ANGPT1: variants seen among roughly 807,000 people sequenced by gnomAD.
The protein encoded by ANGPT1 is angiopoietin-1.
A neutral mutation model predicts 62.2 loss-of-function variants in ANGPT1; 17 were observed. That is an observed-to-expected ratio of 0.27 (90% CI 0.19 to 0.41). The LOEUF (loss-of-function observed/expected upper bound fraction) is 0.41. Ranked by LOEUF, ANGPT1 falls within the 10% of genes least tolerant of loss-of-function variation. The pLI is 1.00. For missense variants in ANGPT1, 478 were observed against 594.9 expected, an observed-to-expected ratio of 0.80 and a Z score of 2.04; for synonymous variants, 199 against 198.9, an observed-to-expected ratio of 1.00 and a Z score of 0.00.
At chr8:107,441,224 C>T (rs1368494) in intron 1 of ANGPT1, among the ~76,000 whole-genome samples, 30,342 of 152,104 alleles carry the variant, frequency 0.2, 3,217 homozygotes, top group Non-Finnish European at 0.24. Flanking sequence ...CAAGCAAGTG[C>T]TGTCTATCTA....
chr8:107,263,845 T>C (rs1301107909), intron 8 of ANGPT1, among the ~76,000 whole-genome samples: 1 of 152,206 alleles, frequency 6.6e-6, no homozygotes, highest in African/African-American at 2.4e-5. Context: ...ATTAACTTAC[T>C]ACATAATTGC....
chr8:107,459,597 T>C (rs1812013043), intron 1 of ANGPT1, among the ~76,000 whole-genome samples: 1 of 152,190 alleles, frequency 6.6e-6, no homozygotes, highest in Non-Finnish European at 1.5e-5. Flanking sequence ...CTATATGCCC[T>C]ACTAGCAATG....
At chr8:107,290,444 A>G (rs1814246299) in intron 6 of ANGPT1, among the ~76,000 whole-genome samples, 1 of 152,192 alleles carries the variant, frequency 6.6e-6, no homozygotes, top group African/African-American at 2.4e-5. Flanking sequence ...AGAAGTGAGC[A>G]GGCAGTTCTT....
chr8:107,347,639 TGAG>T (rs1169333784), intron 1 of ANGPT1, among the ~76,000 whole-genome samples: 3 of 152,142 alleles, frequency 2.0e-5, no homozygotes, highest in Non-Finnish European at 4.4e-5. Flanking sequence ...GGAAATGGGA[TGAG>T]GAGTGGGAGG....
chr8:107,259,444 C>T (rs769038066), intron 8 of ANGPT1, among the ~76,000 whole-genome samples: 15 of 152,040 alleles, frequency 9.9e-5, no homozygotes, highest in Non-Finnish European at 2.1e-4. Flanking sequence ...GGCTTTATCC[C>T]CTATTTAAGG....
intron 1 of ANGPT1, among the ~76,000 whole-genome samples, chr8:107,489,413 C>A (rs1330773746): frequency 1.3e-5 from 2 of 152,044 alleles, no homozygotes; most frequent in African/African-American, 4.8e-5. Flanking sequence ...AAACAAGTAA[C>A]AACAGTTATC....
intron 1 of ANGPT1, among the ~76,000 whole-genome samples, chr8:107,386,843 T>C (rs1314701214): frequency 6.6e-6 from 1 of 152,110 alleles, no homozygotes. Context: ...TGCCTTTCTC[T>C]GACAGACTAC....
At chr8:107,479,360 T>C (rs1024135063) in intron 1 of ANGPT1, among the ~76,000 whole-genome samples, 5 of 152,192 alleles carry the variant, frequency 3.3e-5, no homozygotes, top group Non-Finnish European at 4.4e-5. Context: ...GTTCTTTGTA[T>C]TTACTGTTAT....
At chr8:107,330,213 T>G (rs768281821) in intron 3 of ANGPT1, among the ~76,000 whole-genome samples, 13 of 152,214 alleles carry the variant, frequency 8.5e-5, no homozygotes, top group Non-Finnish European at 1.5e-4. Flanking sequence ...TTACACACAT[T>G]AACTCAATCT....
intron 5 of ANGPT1, among the ~76,000 whole-genome samples, chr8:107,300,613 T>G (rs1814564095): frequency 6.6e-6 from 1 of 151,924 alleles, no homozygotes; most frequent in South Asian, 2.1e-4. Context: ...TTCTTCTCTC[T>G]GAAAAGCCAT....
In ANGPT1 at chr8:107,251,713, A is replaced by C. The variant is rs1431675008; in HGVS notation, c.*142T>G. 9.4e-7 allele frequency: 1 copy of C among 1,064,450 alleles called. No homozygotes were observed. The highest frequency in any genetic ancestry group is 1.3e-6 in the Non-Finnish European group (1 of 751,160). 65.9% of individuals were successfully genotyped at this position (1,064,450 alleles called of 1,614,324 possible). ...AACGGCTCCAGATTCACGGTCAAGA[A>C]CCTTGGTGACTTCACATAACTACCA... On this transcript the variant is annotated 3_prime_UTR_variant, in exon 9 of 9. Coordinates refer to ENST00000517746, the MANE Select transcript of ANGPT1 (RefSeq NM_001146.5).
intron 1 of ANGPT1, among the ~76,000 whole-genome samples, chr8:107,460,845 C>T (rs34246633): frequency 0.011 from 1,643 of 152,230 alleles, 11 homozygotes; most frequent in Non-Finnish European, 0.016. Context: ...TAGAGTCCAA[C>T]GCAGAAAATT....
At chr8:107,468,914 A>T (rs1400491982) in intron 1 of ANGPT1, among the ~76,000 whole-genome samples, 1 of 152,192 alleles carries the variant, frequency 6.6e-6, no homozygotes, top group African/African-American at 2.4e-5. Context: ...GGTAAAAAAG[A>T]GAATAGTAAC....
chr8:107,279,071 G>A (rs113257035), intron 7 of ANGPT1, among the ~76,000 whole-genome samples: 1 of 152,190 alleles, frequency 6.6e-6, no homozygotes, highest in African/African-American at 2.4e-5. Context: ...CCTTCCAGTG[G>A]ACATAGCATC....
rs887566713 is a variant in ANGPT1 at position 107,283,416 on chromosome 8, C to T, written c.1205+1266G>A. Among the ~76,000 whole-genome samples, 12 of 152,134 alleles carry T rather than the reference C, an allele frequency of 7.9e-5. No homozygotes were observed. The South Asian group carries it at 1.2e-3, about 16-fold the overall frequency. Reference sequence around the variant, plus strand: ...ATTCTCTGTTGTGGTGACATCATTACTATTTGTCGAGAAAATGATTATTAT... The same window carrying T: ...ATTCTCTGTTGTGGTGACATCATTATTATTTGTCGAGAAAATGATTATTAT... On this transcript the variant is annotated intron_variant, in intron 7 of 8. Transcript: ENST00000517746.
intron 7 of ANGPT1, among the ~76,000 whole-genome samples, chr8:107,268,777 C>A (rs1027807333): frequency 1.6e-4 from 24 of 151,916 alleles, no homozygotes; most frequent in African/African-American, 5.1e-4. Flanking sequence ...AGCATTAAAA[C>A]ATAAAGCAGA....
Position 107,251,876 on chromosome 8 carries a change from C to T in ANGPT1, c.1476G>A (p.Met492Ile). Residue 492 changes from methionine to isoleucine, a missense_variant, in exon 9 of 9, where the codon ATG becomes ATA. Physicochemically the swap from Met to Ile is conservative, Grantham distance 10 (BLOSUM62 1). Around this residue, in one of 4 missense-constraint regions of ANGPT1, gnomAD observed 35 missense variants for 49.6 expected, o/e 0.71. Transcript: ENST00000517746. The part of the protein sequence containing the change: ...PSYSLRSTTM[M>I]IRPLDF ...GCTTTCAAAAATCTAAAGGTCGAAT[C>T]ATCATAGTTGTGGAACGTAAGGAGT... 1.2e-6 allele frequency: 2 copies of T among 1,613,892 alleles called. No homozygotes were observed. Among genetic ancestry groups the T allele is most frequent in the Non-Finnish European group, 1.7e-6 (2 of 1,179,854 alleles).
chr8:107,418,632 T>G (rs753860027), intron 1 of ANGPT1, among the ~76,000 whole-genome samples: 34 of 152,126 alleles, frequency 2.2e-4, no homozygotes, highest in Non-Finnish European at 8.8e-5. Flanking sequence ...CAATGGGAGA[T>G]AAAAAAGAAT....
rs574518524 is a variant in ANGPT1 at position 107,451,959 on chromosome 8, T to C, written c.297+45303A>G. Among the ~76,000 whole-genome samples the C allele has an allele frequency of 2.6e-5, 4 of 152,078 alleles. No individual in the cohort carries two copies. The South Asian group carries it at 8.3e-4, about 32-fold the overall frequency. On this transcript the variant is annotated intron_variant, in intron 1 of 8. Coordinates refer to ENST00000517746, the MANE Select transcript of ANGPT1 (RefSeq NM_001146.5). Reference sequence around the variant, plus strand: ...TCTTTGTTTTTCTCTTTGTTTTCTGTTTACTTAATTCCTAAATTTTTATTT... The same window carrying C: ...TCTTTGTTTTTCTCTTTGTTTTCTGCTTACTTAATTCCTAAATTTTTATTT...
Sources: gnomAD v4.1 joint callset for allele counts (sites outside exome capture counted in the v4.1 genomes callset) on GRCh38, gnomAD v4.1.1 for gene constraint, gnomAD v4.1.1 regional missense constraint, MANE v1.5 for transcripts, NCBI Gene and HGNC (gene_info 2026-07-23, HGNC 2026-07-21) for gene names.